BANP: variants seen among roughly 807,000 people sequenced by gnomAD.
BANP encodes protein BANP.
Under a neutral mutation model 68.1 loss-of-function variants are expected in BANP, and 11 were observed. The observed-to-expected ratio is 0.16, with a 90% confidence interval of 0.10 to 0.27. The LOEUF is 0.27. Ranked by LOEUF, BANP falls within the 10% of genes least tolerant of loss-of-function variation. The pLI, the probability that BANP is intolerant of heterozygous loss-of-function variation, is 1.00. For synonymous variants in BANP, 329 were observed against 303.2 expected (o/e 1.09, Z -0.88); for missense variants, 504 against 722.7 (o/e 0.70, Z 3.47).
chr16:88,018,090 C>A lies in BANP; in HGVS notation c.656-338C>A, dbSNP rs535890040. Reference sequence around the variant, plus strand: ...GCTCTGCAGGTGGCTGGGGCAGGTACCAACTGTGTGCAAGGATATCGGTAT... The same window carrying A: ...GCTCTGCAGGTGGCTGGGGCAGGTAACAACTGTGTGCAAGGATATCGGTAT... On this transcript the variant is annotated intron_variant, in intron 6 of 13. Transcript: ENST00000682872. The surrounding 1 kb of genome is among the most constrained non-coding windows in gnomAD (Gnocchi z 7.7). Among the ~76,000 whole-genome samples, 15 of 152,128 alleles carry A rather than the reference C, an allele frequency of 9.9e-5. No homozygotes were observed. In the East Asian group the frequency reaches 2.9e-3, roughly 29 times the overall value.
At chr16:88,022,059 AC>A (rs1358180252) in intron 7 of BANP, among the ~76,000 whole-genome samples, 1 of 151,838 alleles carries the variant, frequency 6.6e-6, no homozygotes. Flanking sequence ...GGATTGGTGG[AC>A]CCCCCGAATT....
In BANP at chr16:87,957,695, A is replaced by T. The variant is rs2058365020; in HGVS notation, c.-69+6180A>T. On this transcript the variant is annotated intron_variant, in intron 1 of 13. Transcript: ENST00000682872. The surrounding 1 kb of genome is among the most constrained non-coding windows in gnomAD (Gnocchi z 4.3). Reference sequence around the variant, plus strand: ...TGAAAGTAGAAACGCGTTTGGATGGAGCCGGGAGGGAGAACTGGGTGCGCG... The same window carrying T: ...TGAAAGTAGAAACGCGTTTGGATGGTGCCGGGAGGGAGAACTGGGTGCGCG... Among the ~76,000 whole-genome samples, 1 of 152,236 alleles carries T rather than the reference A, an allele frequency of 6.6e-6. No individual in the cohort carries two copies. Among genetic ancestry groups the T allele is most frequent in the Non-Finnish European group, 1.5e-5 (1 of 68,040 alleles).
chr16:88,076,729 C>A lies in BANP; in HGVS notation c.*68C>A. On this transcript the variant is annotated 3_prime_UTR_variant, in exon 14 of 14. Coordinates refer to ENST00000682872, the MANE Select transcript of BANP (RefSeq NM_001386991.1). Reference sequence around the variant, plus strand: ...CGGCCCGGCCCCCACGCGCCCTGCTCTCACGGCCTCGGCACAGGCAGCGGC... The same window carrying A: ...CGGCCCGGCCCCCACGCGCCCTGCTATCACGGCCTCGGCACAGGCAGCGGC... The A allele has an allele frequency of 1.5e-6, 2 of 1,339,324 alleles. No homozygotes were observed. Among genetic ancestry groups the A allele is most frequent in the Non-Finnish European group, 2.0e-6 (2 of 981,824 alleles). The allele number at this position is 1,339,324 out of a possible 1,614,324, so 83.0% of individuals were successfully genotyped here.
chr16:88,059,143 G>A (rs866640385), intron 11 of BANP, among the ~76,000 whole-genome samples: 9 of 127,116 alleles, frequency 7.1e-5, no homozygotes, highest in Non-Finnish European at 1.3e-4. Context: ...GCTGAGGTCC[G>A]TGCTCCTGCT....
chr16:87,966,779 C>T (rs11117316), intron 1 of BANP: 51,570 of 152,216 alleles, frequency 0.34, 10,193 homozygotes, highest in Non-Finnish European at 0.47. Context: ...GGAAGGGCCT[C>T]GGCATGTCCT....
intron 1 of BANP, among the ~76,000 whole-genome samples, chr16:87,969,386 C>A (rs531109095): frequency 2.0e-5 from 3 of 152,194 alleles, no homozygotes; most frequent in Admixed American, 1.3e-4. Flanking sequence ...GAGGTTGTAC[C>A]CATTTACACC....
At chr16:87,973,878 G>A (rs1476888325) in intron 1 of BANP, among the ~76,000 whole-genome samples, 8 of 152,184 alleles carry the variant, frequency 5.3e-5, no homozygotes, top group East Asian at 1.9e-4. Context: ...GGACACGGGT[G>A]AGGCCTGCTT....
intron 11 of BANP, among the ~76,000 whole-genome samples, chr16:88,063,465 A>G (rs951513991): frequency 5.0e-4 from 76 of 152,238 alleles, no homozygotes; most frequent in African/African-American, 1.6e-3. Context: ...ACAATCCACC[A>G]GGTCCATAGA....
At chr16:88,026,471 C>T (rs1316929835) in intron 7 of BANP, among the ~76,000 whole-genome samples, 1 of 152,218 alleles carries the variant, frequency 6.6e-6, no homozygotes, top group Non-Finnish European at 1.5e-5. Flanking sequence ...GTGCCTGACC[C>T]CCATGGGTGG....
chr16:88,027,376 G>C (rs1443934148), intron 7 of BANP, 107 bp from the exon 8 acceptor site: 15 of 1,246,900 alleles, frequency 1.2e-5, no homozygotes, highest in Admixed American at 4.1e-5. Context: ...GGCGGGCTGG[G>C]GTGCCTGGGT....
chr16:88,035,029 C>T (rs1273604323), intron 9 of BANP: 12 of 357,710 alleles, frequency 3.4e-5, no homozygotes, highest in Non-Finnish European at 6.3e-5. Context: ...CTGTGTGGCA[C>T]ATATGGGCGG....
chr16:87,960,425 GT>G (rs1315673244), intron 1 of BANP, among the ~76,000 whole-genome samples: 1 of 152,200 alleles, frequency 6.6e-6, no homozygotes, highest in Non-Finnish European at 1.5e-5. Flanking sequence ...GTGGTAGCAG[GT>G]GGGGCACATC....
chr16:88,062,932 C>T (rs77007713), intron 11 of BANP, among the ~76,000 whole-genome samples: 2,086 of 152,312 alleles, frequency 0.014, 18 homozygotes, highest in African/African-American at 0.028. Flanking sequence ...CATCTTGGGG[C>T]GTGCAGCGCT....
intron 13 of BANP, among the ~76,000 whole-genome samples, chr16:88,073,424 G>A (rs4072777): frequency 0.22 from 33,344 of 151,792 alleles, 3,888 homozygotes; most frequent in South Asian, 0.27. Context: ...GCCCATGGGC[G>A]CGGTGGCCCC....
Position 88,064,716 on chromosome 16 carries a change from C to T in BANP, c.1312-551C>T, listed in dbSNP as rs1042154889. On this transcript the variant is annotated intron_variant, in intron 11 of 13. Transcript: ENST00000682872. This position sits in a 1 kb window ranked among gnomAD's most constrained non-coding sequence, Gnocchi z 4.5. ...GCTCCTGTGGAGCTCTCATGGCTGG[C>T]AGTGCCAGATGGGAGCCTGGTGCCT... Among the ~76,000 whole-genome samples, 5 of 152,202 alleles carry T rather than the reference C, an allele frequency of 3.3e-5. No individual in the cohort carries two copies. Among genetic ancestry groups the T allele is most frequent in the Non-Finnish European group, 7.4e-5 (5 of 68,024 alleles).
At chr16:87,991,786 A>G (rs2065942668) in intron 4 of BANP, among the ~76,000 whole-genome samples, 1 of 152,234 alleles carries the variant, frequency 6.6e-6, no homozygotes, top group Admixed American at 6.5e-5. Flanking sequence ...GATTTTCTGT[A>G]GGATTTTTTT....
chr16:87,958,664 C>G (rs1257045442), intron 1 of BANP, among the ~76,000 whole-genome samples: 4 of 152,224 alleles, frequency 2.6e-5, no homozygotes, highest in African/African-American at 7.2e-5. Context: ...GATTGCACCA[C>G]TGCACTCCAG....
upstream of BANP, among the ~76,000 whole-genome samples, chr16:87,949,989 C>T (rs542769868): frequency 6.7e-3 from 1,014 of 151,788 alleles, 16 homozygotes; most frequent in Non-Finnish European, 9.4e-3. Flanking sequence ...GCCATTCTCC[C>T]GCCTCAGCCT....
chr16:88,042,315 G>T (rs2081022282), intron 11 of BANP, among the ~76,000 whole-genome samples: 1 of 152,222 alleles, frequency 6.6e-6, no homozygotes, highest in Admixed American at 6.5e-5. Context: ...GGGTGCGCAG[G>T]TGTGGGGACG....
Sources: allele counts gnomAD v4.1 joint callset (sites outside exome capture counted in the v4.1 genomes callset), GRCh38; gene constraint gnomAD v4.1.1; non-coding constraint Gnocchi (gnomAD v3.1); transcripts MANE v1.5; gene names NCBI Gene and HGNC (gene_info 2026-07-23, HGNC 2026-07-21).